The following EYS variants were observed in gnomAD, a reference collection of about 807,000 sequenced individuals.
EYS encodes protein eyes shut homolog.
A neutral mutation model predicts 282.1 loss-of-function variants in EYS; 250 were observed. The ratio of observed to expected loss-of-function variants is 0.89; its 90% CI spans 0.80 to 0.98. The LOEUF (loss-of-function observed/expected upper bound fraction) is 0.98, where lower values mean the gene tolerates loss of function less well. Among genes scored for constraint, EYS ranks in the 50% least tolerant of loss-of-function variants. The probability of loss-of-function intolerance (pLI) is 0.00; values close to 1 mark genes in which losing one functional copy is unlikely to be tolerated. For missense variants in EYS, 4,016 were observed against 3,709.0 expected (o/e 1.08, Z -2.15); for synonymous variants, 1,355 against 1,282.9 (o/e 1.06, Z -1.20).
At chr6:64,705,792 G>T (rs1346253602) in intron 22 of EYS, among the ~76,000 whole-genome samples, 91 of 137,230 alleles carry the variant, frequency 6.6e-4, no homozygotes, top group African/African-American at 2.3e-3. Context: ...TCACATGGAC[G>T]CAGGAAGGGG....
chr6:64,280,892 A>T (rs116654755), intron 30 of EYS, among the ~76,000 whole-genome samples: 4,544 of 152,238 alleles, frequency 0.03, 112 homozygotes, highest in South Asian at 0.079. Context: ...ATCAATTTAA[A>T]CTTTGAGAAA....
intron 1 of EYS, among the ~76,000 whole-genome samples, chr6:65,655,818 C>T (rs916827832): frequency 5.3e-5 from 8 of 151,602 alleles, no homozygotes; most frequent in East Asian, 1.9e-4. Context: ...CTATTCCTGG[C>T]GAAGATGCTG....
chr6:64,130,193 C>T (rs941753531), intron 31 of EYS, among the ~76,000 whole-genome samples: 36 of 152,206 alleles, frequency 2.4e-4, no homozygotes, highest in African/African-American at 6.5e-4. Context: ...ATGTTTATTG[C>T]GGCACTATTC....
intron 29 of EYS, among the ~76,000 whole-genome samples, chr6:64,358,551 C>G (rs754858577): frequency 2.2e-4 from 33 of 151,676 alleles, no homozygotes; most frequent in Admixed American, 5.9e-4. Flanking sequence ...GAAAACCTTT[C>G]CCATCATTTC....
At chr6:64,716,065 G>A (rs993121280) in intron 22 of EYS, among the ~76,000 whole-genome samples, 10 of 152,188 alleles carry the variant, frequency 6.6e-5, no homozygotes, top group Non-Finnish European at 1.3e-4. Context: ...ATGAAGAGAC[G>A]TGTGAGTTAA....
At chr6:63,962,634 A>T (rs1766122754) in intron 35 of EYS, among the ~76,000 whole-genome samples, 1 of 152,210 alleles carries the variant, frequency 6.6e-6, no homozygotes, top group Non-Finnish European at 1.5e-5. Flanking sequence ...GATGTGGAGA[A>T]AAAGGAACAC....
At chr6:64,196,363 A>G (rs1428260992) in intron 31 of EYS, among the ~76,000 whole-genome samples, 1 of 152,212 alleles carries the variant, frequency 6.6e-6, no homozygotes, top group African/African-American at 2.4e-5. Context: ...TGAACTAGAA[A>G]TACCATTTGA....
At chr6:64,135,496 T>C (rs1774131092) in intron 31 of EYS, among the ~76,000 whole-genome samples, 1 of 151,960 alleles carries the variant, frequency 6.6e-6, no homozygotes, top group Non-Finnish European at 1.5e-5. Flanking sequence ...AAATAAATAA[T>C]TAAACGAGTA....
At chr6:64,088,575 G>A (rs1772243304) in intron 31 of EYS, among the ~76,000 whole-genome samples, 1 of 151,908 alleles carries the variant, frequency 6.6e-6, no homozygotes, top group Non-Finnish European at 1.5e-5. Context: ...GGCAAAGGAA[G>A]CTATGAAAGC....
chr6:64,400,582 G>A (rs1773511085), intron 28 of EYS, among the ~76,000 whole-genome samples: 1 of 151,996 alleles, frequency 6.6e-6, no homozygotes, highest in Admixed American at 6.6e-5. Context: ...TTAGAGCAGA[G>A]GCAATCTTGT....
chr6:64,625,752 G>T (rs1931846), intron 23 of EYS, among the ~76,000 whole-genome samples: 144,852 of 152,300 alleles, frequency 0.95, 69,285 homozygotes, highest in East Asian at 1. Context: ...TGACAATTGT[G>T]GGAAGAAATA....
At chr6:65,548,753 C>A (rs906393488) in intron 2 of EYS, among the ~76,000 whole-genome samples, 14 of 152,156 alleles carry the variant, frequency 9.2e-5, no homozygotes, top group Non-Finnish European at 1.8e-4. Flanking sequence ...GAGTATTAAA[C>A]CCACCCTATG....
At chr6:64,525,955 A>G (rs533880869) in intron 26 of EYS, among the ~76,000 whole-genome samples, 13 of 151,928 alleles carry the variant, frequency 8.6e-5, no homozygotes, top group African/African-American at 2.6e-4. Context: ...TAGCAAAAAA[A>G]TACTGGAAAA....
At chr6:64,927,190 G>A in intron 15 of EYS, among the ~76,000 whole-genome samples, 1 of 152,162 alleles carries the variant, frequency 6.6e-6, no homozygotes, top group East Asian at 1.9e-4. Context: ...ATGTGCTCTA[G>A]ACACAGATCT....
chr6:64,020,081 T>C (rs1769112743), intron 33 of EYS, among the ~76,000 whole-genome samples: 1 of 152,008 alleles, frequency 6.6e-6, no homozygotes, highest in South Asian at 2.1e-4. Context: ...TAAACTCTAG[T>C]ATCTACATTT....
chr6:63,970,037 TG>T (rs1436189249), intron 35 of EYS, among the ~76,000 whole-genome samples: 2 of 151,848 alleles, frequency 1.3e-5, no homozygotes, highest in African/African-American at 4.8e-5. Flanking sequence ...CCGCTACGAG[TG>T]GAGATGGCCA....
intron 8 of EYS, among the ~76,000 whole-genome samples, chr6:65,383,828 G>T (rs1444023332): frequency 6.6e-6 from 1 of 151,644 alleles, no homozygotes; most frequent in Non-Finnish European, 1.5e-5. Flanking sequence ...TGATGAATTT[G>T]TCCGTTCTCT....
chr6:64,619,784 C>T (rs1767387353), intron 23 of EYS, among the ~76,000 whole-genome samples: 2 of 152,190 alleles, frequency 1.3e-5, no homozygotes, highest in South Asian at 4.1e-4. Flanking sequence ...AAGCAATCCT[C>T]TCACCTCAGC....
In EYS at chr6:64,822,711, A is replaced by G; in HGVS notation, c.3104T>C (p.Phe1035Ser). Residue 1035 changes from phenylalanine (F) to serine (S), a missense_variant, in exon 20 of 43, where the codon TTT becomes TCT. By Grantham distance (155) the Phe-to-Ser change is radical. Coordinates refer to ENST00000503581, the MANE Select transcript of EYS (RefSeq NM_001142800.2). ...HYTCDCKSGF[F>S]GTHCETNAND... Reference sequence around the variant, plus strand: ...GGCGTTTGTTTCACAGTGTGTTCCAAAAAACCCACTCTTGCAGTCACAGGT... The same window carrying G: ...GGCGTTTGTTTCACAGTGTGTTCCAGAAAACCCACTCTTGCAGTCACAGGT... The G allele has an allele frequency of 1.3e-6, 2 of 1,549,212 alleles. No homozygotes were observed. The highest frequency in any genetic ancestry group is 1.7e-6 in the Non-Finnish European group (2 of 1,145,872).
Sources: gnomAD v4.1 joint callset for allele counts (sites outside exome capture counted in the v4.1 genomes callset) on GRCh38, gnomAD v4.1.1 for gene constraint, MANE v1.5 for transcripts, NCBI Gene and HGNC (gene_info 2026-07-23, HGNC 2026-07-21) for gene names.